SH3BGRL: variants seen among roughly 807,000 people sequenced by gnomAD.
SH3BGRL encodes the protein adapter SH3BGRL.
A neutral mutation model predicts 9.8 loss-of-function variants in SH3BGRL; 7 were observed. The observed-to-expected ratio is 0.72, with a 90% CI of 0.41 to 1.35. SH3BGRL has a LOEUF of 1.35. Ranked by LOEUF, SH3BGRL falls within the 40% of genes most tolerant of loss-of-function variation. SH3BGRL has a pLI of 0.01. For synonymous variants in SH3BGRL, 36 were observed against 29.1 expected (o/e 1.24, Z -0.76); for missense variants, 73 against 84.4 (o/e 0.86, Z 0.53).
chrX:81,288,357 C>T (rs768682545), intron 3 of SH3BGRL, among the ~76,000 whole-genome samples: 11 of 111,941 alleles, frequency 9.8e-5, no homozygotes, highest in Non-Finnish European at 2.1e-4. Flanking sequence ...AAACTGAATG[C>T]CTTTCCTATA....
In SH3BGRL at chrX:81,276,631, AAG is replaced by A. The variant is rs750341732; in HGVS notation, c.46-348_46-347del. On this transcript the variant is annotated intron_variant, in intron 1 of 3. Coordinates refer to ENST00000373212, the MANE Select transcript of SH3BGRL (RefSeq NM_003022.3). ...AAAACTTTCTTGAAAGGCTGAAACT[AAG>A]AGAGGCTTGTAGAGTATCAGAAAAC... 7.2e-5 allele frequency among the ~76,000 whole-genome samples: 8 copies of A among 111,362 alleles called. No homozygotes were observed. In the East Asian group the frequency reaches 2.0e-3, roughly 28 times the overall value.
At chrX:81,246,746 G>A (rs750893723) in intron 1 of SH3BGRL, among the ~76,000 whole-genome samples, 4 of 110,983 alleles carry the variant, frequency 3.6e-5, no homozygotes, top group South Asian at 7.6e-4. Context: ...ATAATGCGAC[G>A]CTTCTGGCTT....
At chrX:81,281,995 C>T (rs933029478) in intron 3 of SH3BGRL, among the ~76,000 whole-genome samples, 1 of 111,766 alleles carries the variant, frequency 8.9e-6, no homozygotes, top group Non-Finnish European at 1.9e-5. Flanking sequence ...AAAGGTATTT[C>T]ATGCATATGG....
chrX:81,232,587 C>T (rs2075636155), intron 1 of SH3BGRL, among the ~76,000 whole-genome samples: 1 of 110,923 alleles, frequency 9.0e-6, no homozygotes, highest in African/African-American at 3.3e-5. Flanking sequence ...GCTCTCCTTT[C>T]TCATGCCTTC....
intron 1 of SH3BGRL, among the ~76,000 whole-genome samples, chrX:81,249,966 C>T (rs1473987060): frequency 1.5e-4 from 16 of 109,030 alleles, no homozygotes; most frequent in East Asian, 2.8e-4. Context: ...AGGTGAATTT[C>T]ACAGTGTATA....
chrX:81,211,995 T>C (rs2075566106), intron 1 of SH3BGRL, among the ~76,000 whole-genome samples: 1 of 111,768 alleles, frequency 8.9e-6, no homozygotes, highest in South Asian at 3.7e-4. Context: ...TCTCAGACTT[T>C]CAGAAAAAAC....
At chrX:81,285,512 C>T (rs191971336) in intron 3 of SH3BGRL, among the ~76,000 whole-genome samples, 5 of 111,299 alleles carry the variant, frequency 4.5e-5, no homozygotes, top group East Asian at 2.8e-4. Context: ...TAATCCTATA[C>T]GTGGAAAAAG....
At chrX:81,275,510 C>A (rs1391058050) in intron 1 of SH3BGRL, among the ~76,000 whole-genome samples, 2 of 111,996 alleles carry the variant, frequency 1.8e-5, no homozygotes, top group African/African-American at 6.5e-5. Context: ...ACCTACTGTA[C>A]CTCAGAAATT....
chrX:81,296,564 G>C (rs191573404), intron 3 of SH3BGRL, among the ~76,000 whole-genome samples: 3 of 111,130 alleles, frequency 2.7e-5, no homozygotes, highest in African/African-American at 9.8e-5. Flanking sequence ...TTAGAATGAT[G>C]TTGTCTACCA....
chrX:81,283,786 A>G (rs1310676873), intron 3 of SH3BGRL, among the ~76,000 whole-genome samples: 2 of 110,733 alleles, frequency 1.8e-5, no homozygotes, highest in Non-Finnish European at 3.8e-5. Flanking sequence ...TGTCACCACT[A>G]CTCTTCAACA....
rs199719419 is a variant in SH3BGRL, at chrX:81,212,450, C to CT, written c.45+10214dup. Among the ~76,000 whole-genome samples, 42 of 108,255 alleles carry CT rather than the reference C, an allele frequency of 3.9e-4. 1 individual carries two copies. The highest frequency in any genetic ancestry group is 1.8e-3 in the Admixed American group (18 of 10,076). 94.0% of individuals were successfully genotyped at this position (108,255 alleles called of 115,157 possible). On this transcript the variant is annotated intron_variant, in intron 1 of 3. Transcript: ENST00000373212. Reference sequence around the variant, plus strand: ...TTTGAATTCATGCTTTGAATTCATTCTTTTTTTTTGAAAAAGAGGATGTTG... The same window carrying CT: ...TTTGAATTCATGCTTTGAATTCATTCTTTTTTTTTTGAAAAAGAGGATGTTG...
At chrX:81,259,356 C>A (rs2075734410) in intron 1 of SH3BGRL, among the ~76,000 whole-genome samples, 1 of 111,799 alleles carries the variant, frequency 8.9e-6, no homozygotes, top group South Asian at 3.7e-4. Context: ...ATAAAATAAT[C>A]ATCATTTCAT....
At chrX:81,220,373 C>A (rs1389955626) in intron 1 of SH3BGRL, among the ~76,000 whole-genome samples, 1 of 111,205 alleles carries the variant, frequency 9.0e-6, no homozygotes, top group Non-Finnish European at 1.9e-5. Context: ...AGGAATTTAT[C>A]AATTTCTTCT....
rs938079066 is a variant in SH3BGRL at position 81,276,850 on chromosome X, A to T, written c.46-134A>T. ...CTTGTGAGGCATTATTAACAATACA[A>T]TAATAAAGAGTGAAAATCATATAAC... On this transcript the variant is annotated intron_variant, in intron 1 of 3. Coordinates refer to ENST00000373212, the MANE Select transcript of SH3BGRL (RefSeq NM_003022.3). 5 of 519,590 alleles carry T rather than the reference A, an allele frequency of 9.6e-6. No homozygotes were observed. In the African/African-American group the frequency reaches 1.2e-4, roughly 13 times the overall value. 42.8% of individuals were successfully genotyped at this position (519,590 alleles called of 1,213,427 possible). A position where few individuals can be genotyped will look rare whatever the true frequency, so the allele number is the denominator to read the frequency against.
intron 3 of SH3BGRL, among the ~76,000 whole-genome samples, chrX:81,281,649 T>C (rs2075817212): frequency 8.9e-6 from 1 of 111,803 alleles, no homozygotes; most frequent in Non-Finnish European, 1.9e-5. Context: ...AAGCCACCAC[T>C]ACAGGAGCTC....
intron 1 of SH3BGRL, among the ~76,000 whole-genome samples, chrX:81,235,330 C>T (rs2075644526): frequency 9.1e-6 from 1 of 110,303 alleles, no homozygotes; most frequent in African/African-American, 3.3e-5. Context: ...AGGAAGTCTC[C>T]AGGTCTTACA....
At chrX:81,222,428 C>T (rs376126738) in intron 1 of SH3BGRL, among the ~76,000 whole-genome samples, 1 of 103,866 alleles carries the variant, frequency 9.6e-6, no homozygotes, top group African/African-American at 3.5e-5. Flanking sequence ...CGGTGTTTGG[C>T]TTTTTGTCCT....
chrX:81,259,996 C>G (rs1384984651), intron 1 of SH3BGRL, among the ~76,000 whole-genome samples: 1 of 111,573 alleles, frequency 9.0e-6, no homozygotes, highest in Non-Finnish European at 1.9e-5. Context: ...TTCTTTGTTT[C>G]ATTATCACAT....
At chrX:81,238,827 G>GAGAGAGAGAGAGAGAGA (rs2075657850) in intron 1 of SH3BGRL, among the ~76,000 whole-genome samples, 1 of 81,029 alleles carries the variant, frequency 1.2e-5, no homozygotes, top group African/African-American at 4.3e-5. Context: ...AGAGAGAGAG[G>GAGAGAGAGAGAGAGAGA]GAGAGAGAGA....
Sources: allele counts gnomAD v4.1 joint callset (sites outside exome capture counted in the v4.1 genomes callset), GRCh38; gene constraint gnomAD v4.1.1; transcripts MANE v1.5; gene names NCBI Gene and HGNC (gene_info 2026-07-23, HGNC 2026-07-21).